The following TBC1D31 variants were observed in gnomAD, a reference collection of about 807,000 sequenced individuals.
TBC1D31 encodes the protein WD repeat domain 67.
Under a neutral mutation model 132.9 loss-of-function variants are expected in TBC1D31, and 99 were observed. The ratio of observed to expected loss-of-function variants is 0.74; its 90% confidence interval spans 0.63 to 0.88. The LOEUF is 0.88. Ranked by LOEUF, TBC1D31 falls within the 40% of genes least tolerant of loss-of-function variation. The pLI is 0.00. For missense variants in TBC1D31, 1,134 were observed against 1,256.6 expected (o/e 0.90, Z 1.48); for synonymous variants, 385 against 419.4 (o/e 0.92, Z 1.00).
At chr8:123,144,402 T>C (rs1371391821) in intron 19 of TBC1D31, among the ~76,000 whole-genome samples, 2 of 152,220 alleles carry the variant, frequency 1.3e-5, no homozygotes, top group Non-Finnish European at 2.9e-5. Context: ...AATTCAAAAC[T>C]AGCTTAGTCT....
At chr8:123,164,707 G>T in the TBC1D31 span, among the ~76,000 whole-genome samples, 1 of 137,104 alleles carries the variant, frequency 7.3e-6, no homozygotes, top group East Asian at 2.1e-4. Flanking sequence ...GGGCAACAGA[G>T]CGAGACTCCA....
chr8:123,093,664 A>G lies in TBC1D31; in HGVS notation c.593A>G (p.Asp198Gly). ...KDNSIFAWEC[D>G]TLFCKYQLPA... ...AATTCCATTTTTGCCTGGGAATGTGACACACTTTTTTGCAAATATCAATTG... is the reference window on the plus strand; with the variant it reads ...AATTCCATTTTTGCCTGGGAATGTGGCACACTTTTTTGCAAATATCAATTG... The change falls in exon 5 of 22, where the codon GAC becomes GGC. Residue 198 changes from aspartate (D) to glycine (G), a missense_variant. By Grantham distance (94) the Asp-to-Gly change is moderately conservative (BLOSUM62 -1). Transcript: ENST00000287380. The G allele has an allele frequency of 6.2e-7, 1 of 1,611,448 alleles. No individual in the cohort carries two copies. The highest frequency in any genetic ancestry group is 8.5e-7 in the Non-Finnish European group (1 of 1,178,096).
At chr8:123,093,071 C>G (rs1205787579) in intron 4 of TBC1D31, among the ~76,000 whole-genome samples, 2 of 152,100 alleles carry the variant, frequency 1.3e-5, no homozygotes, top group East Asian at 3.9e-4. Flanking sequence ...CTTGGCCTCC[C>G]AAAGTGCTGG....
At chr8:123,092,240 C>G (rs1816397895) in intron 4 of TBC1D31, among the ~76,000 whole-genome samples, 1 of 152,108 alleles carries the variant, frequency 6.6e-6, no homozygotes. Context: ...GTCTCAAACT[C>G]TTGACCTCAG....
At chr8:123,092,155 C>T (rs886498834) in intron 4 of TBC1D31, among the ~76,000 whole-genome samples, 2 of 152,058 alleles carry the variant, frequency 1.3e-5, no homozygotes, top group African/African-American at 4.8e-5. Flanking sequence ...GCTGGGATTA[C>T]AGGCGTCTGC....
At chr8:123,111,324 A>G (rs565982129) in intron 10 of TBC1D31, among the ~76,000 whole-genome samples, 29 of 152,334 alleles carry the variant, frequency 1.9e-4, no homozygotes, top group African/African-American at 6.3e-4. Context: ...CTCCAAAGAA[A>G]AAGTTCTTAG....
intron 11 of TBC1D31, among the ~76,000 whole-genome samples, chr8:123,122,532 G>A (rs976378084): frequency 6.6e-6 from 1 of 152,234 alleles, no homozygotes; most frequent in African/African-American, 2.4e-5. Context: ...AGGGGCTAGG[G>A]AAAGTGGGAC....
At chr8:123,160,913 A>T in the TBC1D31 span, among the ~76,000 whole-genome samples, 9 of 152,202 alleles carry the variant, frequency 5.9e-5, no homozygotes, top group Non-Finnish European at 1.3e-4. Flanking sequence ...TGCGGCGATG[A>T]GGTCCCGCTC....
At chr8:123,102,358 C>CA (rs1563699505) in intron 7 of TBC1D31, 1 of 389,930 alleles carries the variant, frequency 2.6e-6, no homozygotes, top group Non-Finnish European at 5.1e-6. Context: ...CGTTTGCCAC[C>CA]TTTTTTTATT....
At chr8:123,142,188 C>A in intron 18 of TBC1D31, 74 bp from the exon 19 acceptor site, 1 of 1,120,670 alleles carries the variant, frequency 8.9e-7, no homozygotes, top group Admixed American at 2.8e-5. Flanking sequence ...CACTTGGATA[C>A]ATTGAATGGT....
Position 123,100,968 on chromosome 8 carries a change from C to T in TBC1D31, c.993C>T (p.Asn331=). The T allele has an allele frequency of 6.2e-7, 1 of 1,613,788 alleles. No homozygotes were observed. The change falls in exon 7 of 22, where the codon AAC becomes AAT. Residue 331 remains asparagine, a synonymous_variant. Transcript: ENST00000287380. ...CTATTATGGAAAATGGAAGTCTAAA[C>T]ATATATTCAGTTCAGGCTTTAACAC... ...IASIMENGSL[N]IYSVQALTQE...
At chr8:123,104,350 G>C (rs12541786) in intron 7 of TBC1D31, 1 of 151,878 alleles carries the variant, frequency 6.6e-6, no homozygotes. Context: ...AACACAGGCT[G>C]TGGCTTACCT....
At chr8:123,137,919 G>A (rs932982899) in intron 17 of TBC1D31, among the ~76,000 whole-genome samples, 4 of 152,214 alleles carry the variant, frequency 2.6e-5, no homozygotes, top group African/African-American at 7.2e-5. Flanking sequence ...ATTGCACAGT[G>A]TCTGATGTAT....
intron 19 of TBC1D31, among the ~76,000 whole-genome samples, chr8:123,143,874 C>T (rs868278970): frequency 4.6e-5 from 7 of 152,128 alleles, no homozygotes; most frequent in Admixed American, 1.3e-4. Flanking sequence ...TAAAATGGTA[C>T]TTTTGAGAAT....
At chr8:123,126,360 A>T in intron 12 of TBC1D31, 148 bp from the exon 13 acceptor site, 4 of 1,159,152 alleles carry the variant, frequency 3.5e-6, no homozygotes, top group Non-Finnish European at 3.6e-6. Flanking sequence ...AAAGTCTGTA[A>T]AGAAGGGTCC....
At chr8:123,161,631 T>C in the TBC1D31 span, among the ~76,000 whole-genome samples, 2 of 152,160 alleles carry the variant, frequency 1.3e-5, no homozygotes, top group Admixed American at 6.5e-5. Flanking sequence ...ATCAAAACAG[T>C]TTCATTATAA....
intron 19 of TBC1D31, 80 bp from the exon 20 acceptor site, chr8:123,144,637 A>T: frequency 5.3e-6 from 7 of 1,321,390 alleles, no homozygotes; most frequent in Non-Finnish European, 6.2e-6. Flanking sequence ...GATAGAGAAG[A>T]CAGAAGTGGC....
At chr8:123,138,384 C>T (rs1276344372) in intron 17 of TBC1D31, among the ~76,000 whole-genome samples, 1 of 127,288 alleles carries the variant, frequency 7.9e-6, no homozygotes, top group Non-Finnish European at 1.7e-5. Context: ...TTATTTTTAG[C>T]AAATTATAAG....
At position 123,073,808 on chromosome 8, in the gene TBC1D31, C is replaced by A. The variant is rs569038884; in HGVS notation, c.77+962C>A. The stretch of plus-strand genomic sequence containing the variant: ...TAAAGCGATTCTCTTGCCTCAGCCT[C>A]CTAAGTAGCTGGGATTACTGGCGCG... On this transcript the variant is annotated intron_variant, in intron 1 of 21. Transcript: ENST00000287380. Among the ~76,000 whole-genome samples the A allele has an allele frequency of 5.8e-3, 877 of 151,886 alleles. 5 individuals are homozygous for A. Among genetic ancestry groups the A allele is most frequent in the African/African-American group, 0.02 (835 of 41,364 alleles).
Sources: allele counts gnomAD v4.1 joint callset (sites outside exome capture counted in the v4.1 genomes callset), GRCh38; gene constraint gnomAD v4.1.1; transcripts MANE v1.5; gene names NCBI Gene and HGNC (gene_info 2026-07-23, HGNC 2026-07-21).